ZNF607: variants seen among roughly 807,000 people sequenced by gnomAD.
The protein encoded by ZNF607 is zinc finger protein 607.
A neutral mutation model predicts 12.8 loss-of-function variants in ZNF607; 5 were observed. The ratio of observed to expected loss-of-function variants is 0.39; its 90% confidence interval spans 0.20 to 0.82. ZNF607 has a LOEUF of 0.82. ZNF607 is among the 40% of genes least tolerant of loss of function. The probability of loss-of-function intolerance (pLI) is 0.39; values close to 1 mark genes in which losing one functional copy is unlikely to be tolerated. For missense variants in ZNF607, 851 were observed against 859.2 expected, an observed-to-expected ratio of 0.99 and a Z score of 0.12; for synonymous variants, 287 against 276.2, an observed-to-expected ratio of 1.04 and a Z score of -0.39.
At chr19:37,714,260 T>C (rs1211395434) in intron 1 of ZNF607, among the ~76,000 whole-genome samples, 1 of 149,996 alleles carries the variant, frequency 6.7e-6, no homozygotes, top group Non-Finnish European at 1.5e-5. Context: ...AGGCGGAGCT[T>C]GCAGTGAGCC....
Position 37,698,194 on chromosome 19 carries a change from A to T in ZNF607, c.1937T>A (p.Met646Lys), listed in dbSNP as rs992876949. 4 of 1,614,182 alleles carry T rather than the reference A, an allele frequency of 2.5e-6. No individual in the cohort carries two copies. The East Asian group carries it at 8.9e-5, about 36-fold the overall frequency. The part of the protein sequence containing the change: ...ESVHADGNPY[M>K]CEECGKAFNS... ...AAAAGCTTTCCCACACTCTTCACACATATAGGGATTTCCATCAGCATGAAC... is the reference window on the plus strand; with the variant it reads ...AAAAGCTTTCCCACACTCTTCACACTTATAGGGATTTCCATCAGCATGAAC... The change falls in exon 5 of 5, where the codon ATG (methionine) becomes AAG (lysine). Residue 646 changes from methionine to lysine, a missense_variant. Transcript: ENST00000355202.
At chr19:37,711,241 C>T (rs2045130056) in intron 2 of ZNF607, among the ~76,000 whole-genome samples, 1 of 152,160 alleles carries the variant, frequency 6.6e-6, no homozygotes, top group Non-Finnish European at 1.5e-5. Context: ...ATTTCAAAGA[C>T]TTCCCATGGA....
At position 37,696,865 on chromosome 19, in the gene ZNF607, T is replaced by C; in HGVS notation, c.*1175A>G. On this transcript the variant is annotated 3_prime_UTR_variant, in exon 5 of 5. Transcript: ENST00000355202. ...TGCTTCCTGGGGGGCCACCTGTCTG[T>C]TAACTCCTTCAAGAAGGTCAGATGT... is the stretch of plus-strand genomic sequence containing the variant. 2.7e-6 allele frequency: 2 copies of C among 749,852 alleles called. No homozygotes were observed. The highest frequency in any genetic ancestry group is 4.7e-6 in the Non-Finnish European group (2 of 427,628). 46.4% of individuals were successfully genotyped at this position (749,852 alleles called of 1,614,324 possible). A position where few individuals can be genotyped will look rare whatever the true frequency, so the allele number is the denominator to read the frequency against.
chr19:37,709,461 G>T (rs1245260676), intron 3 of ZNF607, among the ~76,000 whole-genome samples: 2 of 152,112 alleles, frequency 1.3e-5, no homozygotes, highest in Non-Finnish European at 2.9e-5. Flanking sequence ...GGGTTAAAGA[G>T]ACAAATAAAA....
At chr19:37,716,754 C>T (rs1337854128) in intron 1 of ZNF607, among the ~76,000 whole-genome samples, 1 of 152,110 alleles carries the variant, frequency 6.6e-6, no homozygotes, top group Non-Finnish European at 1.5e-5. Context: ...GACGAAACTG[C>T]CTTAATTCCA....
In ZNF607 at chr19:37,698,654, T is replaced by A; in HGVS notation, c.1477A>T (p.Thr493Ser). 6.2e-7 allele frequency: 1 copy of A among 1,613,940 alleles called. No individual in the cohort carries two copies. Among genetic ancestry groups the A allele is most frequent in the Non-Finnish European group, 8.5e-7 (1 of 1,179,970 alleles). ...CCAGTATGAACTCTGCGATGTATAG[T>A]GAGTTTATGGCTATAACTAAAACCC... ...GKGFSYSHKL[T>S]IHRRVHTGEK... The change falls in exon 5 of 5, where the codon ACT becomes TCT. Residue 493 changes from threonine to serine, a missense_variant. Physicochemically the swap from Thr to Ser is moderately conservative, Grantham distance 58 (BLOSUM62 1). Coordinates refer to ENST00000355202, the MANE Select transcript of ZNF607 (RefSeq NM_032689.5).
At chr19:37,710,581 A>G (rs1226865302) in intron 2 of ZNF607, among the ~76,000 whole-genome samples, 1 of 152,182 alleles carries the variant, frequency 6.6e-6, no homozygotes, top group Non-Finnish European at 1.5e-5. Flanking sequence ...GCTATCAGGG[A>G]GGGGAATGAA....
At chr19:37,700,508 T>C (rs2045030495) in intron 4 of ZNF607, among the ~76,000 whole-genome samples, 1 of 152,198 alleles carries the variant, frequency 6.6e-6, no homozygotes, top group Non-Finnish European at 1.5e-5. Flanking sequence ...AAGATTTTCA[T>C]TGAAGAATGA....
intron 1 of ZNF607, among the ~76,000 whole-genome samples, chr19:37,716,703 A>C (rs537066404): frequency 6.6e-6 from 1 of 152,192 alleles, no homozygotes; most frequent in South Asian, 2.1e-4. Context: ...GGTTATTCTA[A>C]ATTTCTTCTT....
Position 37,698,315 on chromosome 19 carries a change from T to C in ZNF607, c.1816A>G (p.Ile606Val). The change falls in exon 5 of 5, where the codon ATT becomes GTT. Residue 606 changes from isoleucine to valine, a missense_variant. Ile to Val is a conservative substitution (Grantham distance 29). Coordinates refer to ENST00000355202, the MANE Select transcript of ZNF607 (RefSeq NM_032689.5). ...ETFSHASHLI[I>V]HERIHTSDKP... ...TCACTGGTATGAATTCTCTCATGAATAATAAGATGTGAAGCATGACTAAAA... is the reference window on the plus strand; with the variant it reads ...TCACTGGTATGAATTCTCTCATGAACAATAAGATGTGAAGCATGACTAAAA... The C allele has an allele frequency of 6.2e-7, 1 of 1,614,150 alleles. No individual in the cohort carries two copies. The highest frequency in any genetic ancestry group is 8.5e-7 in the Non-Finnish European group (1 of 1,180,004).
In ZNF607 at chr19:37,709,847, C is replaced by G. The variant is rs148288082; in HGVS notation, c.10-25G>C. 1.9e-6 allele frequency: 3 copies of G among 1,605,458 alleles called. No homozygotes were observed. In the African/African-American group the frequency reaches 4.0e-5, roughly 21 times the overall value. On this transcript the variant is annotated intron_variant, in intron 2 of 4. Transcript: ENST00000355202. ...CCTGAAACAGCAAACCCATGTATTA[C>G]TGGGGAAATTCCAAAATGGAGTGGA...
chr19:37,711,651 G>T lies in ZNF607; in HGVS notation c.-33C>A. 1.2e-6 allele frequency: 2 copies of T among 1,612,906 alleles called. No homozygotes were observed. Among genetic ancestry groups the T allele is most frequent in the Non-Finnish European group, 1.7e-6 (2 of 1,179,050 alleles). The stretch of plus-strand genomic sequence containing the variant: ...GACTGGCAAGAGTTGATCAGTCCTT[G>T]GCGTTTCTCTACCAGAAGAGCAAAG... On this transcript the variant is annotated 5_prime_UTR_variant, in exon 2 of 5. Coordinates refer to ENST00000355202, the MANE Select transcript of ZNF607 (RefSeq NM_032689.5).
Position 37,697,582 on chromosome 19 carries a change from C to T in ZNF607, c.*458G>A, listed in dbSNP as rs2044987413. ...ATAGGAAGCAGATGTTGATCATGAG[C>T]ATTAAATATGCAGAGTGGCTAAATA... On this transcript the variant is annotated 3_prime_UTR_variant, in exon 5 of 5. Coordinates refer to ENST00000355202, the MANE Select transcript of ZNF607 (RefSeq NM_032689.5). 4.2e-6 allele frequency: 2 copies of T among 474,302 alleles called. No individual in the cohort carries two copies. The highest frequency in any genetic ancestry group is 7.7e-6 in the Non-Finnish European group (2 of 259,098). 29.4% of individuals were successfully genotyped at this position (474,302 alleles called of 1,614,324 possible).
intron 1 of ZNF607, among the ~76,000 whole-genome samples, chr19:37,718,374 C>T (rs1764538032): frequency 6.6e-6 from 1 of 152,144 alleles, no homozygotes; most frequent in South Asian, 2.1e-4. Context: ...TTCCCCCCTC[C>T]AAGGCTGCAG....
intron 3 of ZNF607, among the ~76,000 whole-genome samples, chr19:37,708,598 A>G (rs1339979066): frequency 1.3e-5 from 2 of 150,610 alleles, no homozygotes; most frequent in African/African-American, 2.4e-5. Context: ...GCGGTGGCTC[A>G]TGCCTTGTAA....
In ZNF607 at chr19:37,696,747, A is replaced by G. The variant is rs530634726; in HGVS notation, c.*1293T>C. ...ACAGCTCGCTCTGGCCGTCCCCTGC[A>G]GTGGCCAGTGAGTTGGCGATCAGCT... is the stretch of plus-strand genomic sequence containing the variant. On this transcript the variant is annotated 3_prime_UTR_variant, in exon 5 of 5. Transcript: ENST00000355202. 5 of 1,208,350 alleles carry G rather than the reference A, an allele frequency of 4.1e-6. No homozygotes were observed. The East Asian group carries it at 7.1e-5, about 17-fold the overall frequency. The allele number at this position is 1,208,350 out of a possible 1,614,324, so 74.9% of individuals were successfully genotyped here. A position where few individuals can be genotyped will look rare whatever the true frequency, so the allele number is the denominator to read the frequency against.
chr19:37,704,225 C>T (rs1464615259), intron 4 of ZNF607, among the ~76,000 whole-genome samples: 3 of 151,950 alleles, frequency 2.0e-5, no homozygotes, highest in East Asian at 3.8e-4. Flanking sequence ...CACAAAAACA[C>T]GGTAAAAATA....
intron 3 of ZNF607, 51 bp downstream of exon 3, chr19:37,709,645 G>A (rs1030060393): frequency 1.7e-5 from 27 of 1,572,764 alleles, no homozygotes; most frequent in African/African-American, 5.4e-5. Flanking sequence ...TGTATCCTAC[G>A]AAACAGATGA....
rs1409474956 is a variant in ZNF607, at chr19:37,699,307, T to C, written c.824A>G (p.His275Arg). The change falls in exon 5 of 5, where the codon CAT becomes CGT. Residue 275 changes from histidine to arginine, a missense_variant. By Grantham distance (29) the His-to-Arg change is conservative. Coordinates refer to ENST00000355202, the MANE Select transcript of ZNF607 (RefSeq NM_032689.5). ...ACATTCATGTGGCTTCTCTCCAGTATGAATACTCTGATGTACTTTAAGGCC... is the reference window on the plus strand; with the variant it reads ...ACATTCATGTGGCTTCTCTCCAGTACGAATACTCTGATGTACTTTAAGGCC... ...KAGLKVHQSI[H>R]TGEKPHECKE... is the part of the protein sequence containing the mutation. 6.2e-7 allele frequency: 1 copy of C among 1,613,838 alleles called. No homozygotes were observed. Among genetic ancestry groups the C allele is most frequent in the Non-Finnish European group, 8.5e-7 (1 of 1,180,006 alleles).
Sources: gnomAD v4.1 joint callset for allele counts (sites outside exome capture counted in the v4.1 genomes callset) on GRCh38, gnomAD v4.1.1 for gene constraint, MANE v1.5 for transcripts, NCBI Gene and HGNC (gene_info 2026-07-23, HGNC 2026-07-21) for gene names.